MCC: variants seen among roughly 807,000 people sequenced by gnomAD.
MCC encodes the protein MCC regulator of Wnt signaling pathway, also known as colorectal mutant cancer protein.
In MCC, 90 loss-of-function variants were observed where a neutral mutation model predicts 116.2. The observed-to-expected ratio is 0.77, with a 90% confidence interval of 0.65 to 0.92. MCC has a LOEUF of 0.92. MCC is among the 40% of genes least tolerant of loss of function. The pLI is 0.00. For missense variants in MCC, 1,516 were observed against 1,312.2 expected (o/e 1.16, Z -2.40); for synonymous variants, 578 against 510.5 (o/e 1.13, Z -1.78).
At chr5:113,329,511 A>C (rs1266456975) in intron 3 of MCC, among the ~76,000 whole-genome samples, 2 of 151,220 alleles carry the variant, frequency 1.3e-5, no homozygotes, top group African/African-American at 2.4e-5. Flanking sequence ...ACTGCTGTAG[A>C]TCTCACAAAT....
At chr5:113,043,895 C>T (rs1751900186) in intron 16 of MCC, among the ~76,000 whole-genome samples, 1 of 152,226 alleles carries the variant, frequency 6.6e-6, no homozygotes, top group Admixed American at 6.5e-5. Context: ...ATGCCAGGCA[C>T]TGGTCTAAGC....
intron 1 of MCC, among the ~76,000 whole-genome samples, chr5:113,423,855 T>C (rs1770411179): frequency 6.6e-6 from 1 of 152,142 alleles, no homozygotes; most frequent in Non-Finnish European, 1.5e-5. Flanking sequence ...TTACCACTCG[T>C]AGGATAAGGT....
intron 14 of MCC, among the ~76,000 whole-genome samples, chr5:113,056,871 T>C (rs1449230114): frequency 6.6e-6 from 1 of 152,208 alleles, no homozygotes. Context: ...CTCAGGGAAC[T>C]CATATTCTAA....
At chr5:113,222,672 G>A (rs1257146219) in intron 3 of MCC, among the ~76,000 whole-genome samples, 1 of 152,198 alleles carries the variant, frequency 6.6e-6, no homozygotes, top group Non-Finnish European at 1.5e-5. Flanking sequence ...GAAACGAAGA[G>A]AATATTCAAA....
At chr5:113,301,393 A>C (rs1240371601) in intron 3 of MCC, among the ~76,000 whole-genome samples, 4 of 151,916 alleles carry the variant, frequency 2.6e-5, no homozygotes, top group Admixed American at 1.3e-4. Context: ...TGAACACAGG[A>C]GGCAGAGGTT....
intron 8 of MCC, among the ~76,000 whole-genome samples, chr5:113,088,075 C>G (rs898395646): frequency 6.6e-6 from 1 of 152,142 alleles, no homozygotes; most frequent in Non-Finnish European, 1.5e-5. Flanking sequence ...TTAAAAACTT[C>G]GGACCCAGAG....
At chr5:113,113,324 C>G (rs539914005) in intron 6 of MCC, among the ~76,000 whole-genome samples, 14 of 152,326 alleles carry the variant, frequency 9.2e-5, no homozygotes, top group South Asian at 6.2e-4. Context: ...ACTCTGCATA[C>G]AGCAAGGCCC....
chr5:113,099,814 G>C (rs1205368108), intron 8 of MCC, among the ~76,000 whole-genome samples: 1 of 152,228 alleles, frequency 6.6e-6, no homozygotes, highest in African/African-American at 2.4e-5. Context: ...TGAAGGGCTG[G>C]CAAGTGAGAG....
intron 3 of MCC, among the ~76,000 whole-genome samples, chr5:113,196,718 A>T (rs1011662026): frequency 6.6e-6 from 1 of 152,138 alleles, no homozygotes; most frequent in Non-Finnish European, 1.5e-5. Context: ...GCGTGGTGGC[A>T]CATGCCTGTA....
At chr5:113,197,123 T>C (rs556043339) in intron 3 of MCC, among the ~76,000 whole-genome samples, 118 of 152,352 alleles carry the variant, frequency 7.7e-4, no homozygotes, top group African/African-American at 2.7e-3. Context: ...CAGGGAGCTG[T>C]GGTGGGCTGG....
intron 1 of MCC, chr5:113,435,438 G>A (rs1335961526): frequency 6.6e-6 from 1 of 152,264 alleles, no homozygotes; most frequent in Admixed American, 6.5e-5. Context: ...GGACCACCTT[G>A]AGAGAGGCAG....
chr5:113,472,963 C>T (rs1013289500), intron 1 of MCC, among the ~76,000 whole-genome samples: 4 of 152,150 alleles, frequency 2.6e-5, no homozygotes, highest in African/African-American at 7.2e-5. Flanking sequence ...ATCTAATCAA[C>T]GCATGATGTC....
At chr5:113,221,158 C>T (rs188554595) in intron 3 of MCC, among the ~76,000 whole-genome samples, 59 of 152,280 alleles carry the variant, frequency 3.9e-4, no homozygotes, top group Non-Finnish European at 3.8e-4. Context: ...GAGCCGTGAT[C>T]GTGCCACTGC....
chr5:113,233,085 C>A (rs1455899529), intron 3 of MCC, among the ~76,000 whole-genome samples: 5 of 152,142 alleles, frequency 3.3e-5, no homozygotes, highest in African/African-American at 1.2e-4. Context: ...GCTCTATAAA[C>A]CTGACTATCA....
chr5:113,178,535 A>G (rs1160486330), intron 3 of MCC, among the ~76,000 whole-genome samples: 1 of 152,154 alleles, frequency 6.6e-6, no homozygotes, highest in Non-Finnish European at 1.5e-5. Flanking sequence ...TGCCTATGAC[A>G]AGTGGCCACT....
At chr5:113,444,035 GGGTTTCGCCAAGTTGGCCA>G (rs1324774076) in intron 1 of MCC, among the ~76,000 whole-genome samples, 2 of 147,910 alleles carry the variant, frequency 1.4e-5, no homozygotes, top group Non-Finnish European at 3.0e-5. Context: ...AGTAGAGATG[GGGTTTCGCCAAGTTGGCCA>G]GGCTGTTCTC....
At chr5:113,458,078 C>T (rs936321228) in intron 1 of MCC, among the ~76,000 whole-genome samples, 17 of 152,156 alleles carry the variant, frequency 1.1e-4, no homozygotes, top group East Asian at 3.9e-4. Context: ...TACCAATCAG[C>T]GGGATGTGGG....
intron 2 of MCC, among the ~76,000 whole-genome samples, chr5:113,361,205 A>T (rs182105590): frequency 2.7e-5 from 4 of 149,674 alleles, no homozygotes; most frequent in Middle Eastern, 3.4e-3. Flanking sequence ...TTAGTGCCTT[A>T]TCTTTTTTTT....
At chr5:113,048,905 T>G in intron 16 of MCC, 188 bp downstream of exon 16, 2 of 608,328 alleles carry the variant, frequency 3.3e-6, no homozygotes, top group Non-Finnish European at 5.9e-6. Context: ...GATTTGGTAT[T>G]TCTAAAATGT....
Sources: allele counts gnomAD v4.1 joint callset (sites outside exome capture counted in the v4.1 genomes callset), GRCh38; gene constraint gnomAD v4.1.1; transcripts MANE v1.5; gene names NCBI Gene and HGNC (gene_info 2026-07-23, HGNC 2026-07-21).